INSL6: variants seen among roughly 807,000 people sequenced by gnomAD.
INSL6 encodes insulin-like peptide INSL6.
In INSL6, 16 loss-of-function variants were observed where a neutral mutation model predicts 9.4. The observed-to-expected ratio is 1.70, with a 90% CI of 1.15 to 2.59. The LOEUF is 2.59. INSL6 is among the 30% of genes most tolerant of loss of function. INSL6 has a pLI of 0.00. For missense variants in INSL6, 391 were observed against 257.3 expected, an observed-to-expected ratio of 1.52 and a Z score of -3.56; for synonymous variants, 154 against 96.9, an observed-to-expected ratio of 1.59 and a Z score of -3.46.
At chr9:5,079,807 A>G in the INSL6 span, among the ~76,000 whole-genome samples, 1 of 152,026 alleles carries the variant, frequency 6.6e-6, no homozygotes, top group African/African-American at 2.4e-5. Flanking sequence ...TGACACAGTG[A>G]CACCCTGTCT....
At chr9:4,998,907 C>T in the INSL6 span, among the ~76,000 whole-genome samples, 4 of 151,890 alleles carry the variant, frequency 2.6e-5, no homozygotes, top group East Asian at 1.9e-4. Context: ...CTGCAAGCTC[C>T]GCCTCCCGGG....
At chr9:5,073,486 T>A in the INSL6 span, among the ~76,000 whole-genome samples, 1 of 152,168 alleles carries the variant, frequency 6.6e-6, no homozygotes, top group East Asian at 1.9e-4. Context: ...TCTCTCACTT[T>A]GATCTCCATA....
At chr9:5,155,209 G>C (rs531357563) in intron 2 of INSL6, among the ~76,000 whole-genome samples, 1 of 151,756 alleles carries the variant, frequency 6.6e-6, no homozygotes, top group African/African-American at 2.4e-5. Flanking sequence ...ATCATTCTCA[G>C]CAAAGTATCC....
chr9:5,133,157 T>C (rs1214020502), intron 3 of INSL6, among the ~76,000 whole-genome samples: 2 of 150,474 alleles, frequency 1.3e-5, no homozygotes, highest in African/African-American at 5.0e-5. Flanking sequence ...TATGCAGTGA[T>C]ATTAGAGTGT....
chr9:5,059,976 C>CA, the INSL6 span, among the ~76,000 whole-genome samples: 2 of 152,038 alleles, frequency 1.3e-5, no homozygotes, highest in East Asian at 1.9e-4. Context: ...AGACATACGT[C>CA]AGAGATATTT....
intron 1 of INSL6, among the ~76,000 whole-genome samples, chr9:5,175,743 G>A (rs1174066918): frequency 6.6e-6 from 1 of 152,118 alleles, no homozygotes; most frequent in Admixed American, 6.5e-5. Context: ...GCATGCCAGG[G>A]ATCTAGGTTG....
intron 2 of INSL6, among the ~76,000 whole-genome samples, chr9:5,137,762 T>G (rs924035226): frequency 6.6e-6 from 1 of 152,096 alleles, no homozygotes; most frequent in Non-Finnish European, 1.5e-5. Context: ...CTAAAGAGCT[T>G]CTGTACAGCA....
At chr9:5,025,263 T>C in the INSL6 span, among the ~76,000 whole-genome samples, 1 of 152,212 alleles carries the variant, frequency 6.6e-6, no homozygotes, top group East Asian at 1.9e-4. Context: ...TCTATCTATA[T>C]TGGTGAGATT....
chr9:5,080,196 A>G, the INSL6 span: 1 of 1,513,960 alleles, frequency 6.6e-7, no homozygotes. Context: ...CTTGTGAATT[A>G]TTTAACCCTA....
At chr9:5,068,089 G>A in the INSL6 span, among the ~76,000 whole-genome samples, 1 of 151,878 alleles carries the variant, frequency 6.6e-6, no homozygotes, top group African/African-American at 2.4e-5. Context: ...GAACCCGGGA[G>A]GTGGAGGTTG....
chr9:5,023,543 T>A, the INSL6 span, among the ~76,000 whole-genome samples: 1 of 152,108 alleles, frequency 6.6e-6, no homozygotes, highest in Non-Finnish European at 1.5e-5. Flanking sequence ...GGGGCTAGGG[T>A]CTCTCCTGTG....
the INSL6 span, among the ~76,000 whole-genome samples, chr9:5,057,965 C>T: frequency 1.3e-5 from 2 of 152,038 alleles, no homozygotes; most frequent in Admixed American, 1.3e-4. Context: ...TTGTGACAGG[C>T]TTATTTCAGT....
chr9:5,133,611 A>C (rs1166222806), intron 2 of INSL6: 3 of 152,236 alleles, frequency 2.0e-5, no homozygotes, highest in African/African-American at 4.9e-5. Context: ...CAGGGGCCCG[A>C]CTGTTAGAAG....
At chr9:5,072,723 T>A in the INSL6 span, 1 of 946,538 alleles carries the variant, frequency 1.1e-6, no homozygotes, top group East Asian at 2.9e-5. Context: ...TTTTCAAAAT[T>A]GTAATTTTTA....
downstream of INSL6, among the ~76,000 whole-genome samples, chr9:5,162,226 T>G (rs774216434): frequency 6.6e-6 from 1 of 151,730 alleles, no homozygotes; most frequent in Non-Finnish European, 1.5e-5. Context: ...TATCTCAGAT[T>G]TTTTTTTTCA....
the INSL6 span, among the ~76,000 whole-genome samples, chr9:5,008,328 C>T: frequency 2.0e-5 from 3 of 151,890 alleles, no homozygotes; most frequent in Admixed American, 1.3e-4. Flanking sequence ...TAAAATATTC[C>T]AGCTTCATTT....
the INSL6 span, among the ~76,000 whole-genome samples, chr9:5,059,172 A>T: frequency 3.9e-4 from 59 of 152,290 alleles, no homozygotes; most frequent in African/African-American, 1.2e-3. Context: ...CACCCACCTC[A>T]AAAAACAGAA....
chr9:5,065,130 G>T, the INSL6 span: 1 of 776,932 alleles, frequency 1.3e-6, no homozygotes. Flanking sequence ...TGTATGTTTA[G>T]AAAAAAATAA....
intron 2 of INSL6, among the ~76,000 whole-genome samples, chr9:5,158,005 A>T (rs1268968605): frequency 1.3e-5 from 2 of 152,202 alleles, no homozygotes; most frequent in African/African-American, 4.8e-5. Context: ...AGAAATTGAA[A>T]TAAAAAGAAT....
Sources: allele counts gnomAD v4.1 joint callset (sites outside exome capture counted in the v4.1 genomes callset), GRCh38; gene constraint gnomAD v4.1.1; transcripts MANE v1.5; gene names NCBI Gene and HGNC (gene_info 2026-07-23, HGNC 2026-07-21).